Variants in SLC8A1 observed in about 807,000 individuals in gnomAD.
The protein encoded by SLC8A1 is sodium/calcium exchanger 1.
SLC8A1 carries 18 observed loss-of-function variants against 68.3 expected under a neutral mutation model. The observed-to-expected ratio is 0.26, with a 90% CI of 0.18 to 0.39. The LOEUF (loss-of-function observed/expected upper bound fraction) is 0.39, where lower values mean the gene tolerates loss of function less well. Among genes scored for constraint, SLC8A1 ranks in the 10% least tolerant of loss-of-function variants. The pLI is 1.00. For synonymous variants in SLC8A1, 475 were observed against 415.5 expected (o/e 1.14, Z -1.74); for missense variants, 985 against 1,156.7 (o/e 0.85, Z 2.15).
At chr2:40,100,655 G>A (rs1015924259) in exon 8 of SLC8A1, 1 of 152,154 alleles carries the variant, frequency 6.6e-6, no homozygotes, top group Non-Finnish European at 1.5e-5. Flanking sequence ...CTGTGATTTC[G>A]TTAGAGCTAT....
intron 2 of SLC8A1, among the ~76,000 whole-genome samples, chr2:40,212,771 A>G (rs1203632499): frequency 2.6e-5 from 4 of 152,182 alleles, no homozygotes; most frequent in Non-Finnish European, 5.9e-5. Flanking sequence ...ACAATTTCAA[A>G]TTCTTGGGCA....
intron 2 of SLC8A1, among the ~76,000 whole-genome samples, chr2:40,254,014 G>A (rs2063451821): frequency 6.6e-6 from 1 of 152,050 alleles, no homozygotes; most frequent in Non-Finnish European, 1.5e-5. Flanking sequence ...ATAGCTAGAA[G>A]AAAACTTCTG....
chr2:40,488,214 T>C (rs561360872), intron 1 of SLC8A1, among the ~76,000 whole-genome samples: 1 of 143,920 alleles, frequency 6.9e-6, no homozygotes, highest in African/African-American at 2.6e-5. Context: ...GGGGGACACC[T>C]TCTGTAGACA....
chr2:40,423,014 G>A (rs1695930479), intron 2 of SLC8A1, among the ~76,000 whole-genome samples: 1 of 152,102 alleles, frequency 6.6e-6, no homozygotes, highest in South Asian at 2.1e-4. Flanking sequence ...AATACCATTA[G>A]TCTTCCAAAT....
intron 2 of SLC8A1, among the ~76,000 whole-genome samples, chr2:40,274,064 G>C (rs192011366): frequency 1.9e-3 from 284 of 151,386 alleles, no homozygotes; most frequent in Non-Finnish European, 3.4e-3. Flanking sequence ...ATCGAGCACT[G>C]CTTTTAGATC....
chr2:40,153,572 A>G (rs1032687121), intron 6 of SLC8A1, among the ~76,000 whole-genome samples: 2 of 152,180 alleles, frequency 1.3e-5, no homozygotes, highest in African/African-American at 2.4e-5. Context: ...AATAACTACT[A>G]TTTGACCTTT....
intron 2 of SLC8A1, among the ~76,000 whole-genome samples, chr2:40,264,993 C>A (rs1479850433): frequency 1.3e-5 from 2 of 152,152 alleles, no homozygotes; most frequent in Admixed American, 6.5e-5. Context: ...TCACCTTTCT[C>A]TTGAAGTTAT....
chr2:40,383,115 C>T (rs2373858), intron 2 of SLC8A1, among the ~76,000 whole-genome samples: 111,352 of 151,722 alleles, frequency 0.73, 42,230 homozygotes, highest in African/African-American at 0.93. Flanking sequence ...TTTAATGATA[C>T]GTTCTGTTTT....
chr2:40,274,293 G>T (rs552484774), intron 2 of SLC8A1, among the ~76,000 whole-genome samples: 1 of 150,640 alleles, frequency 6.6e-6, no homozygotes, highest in African/African-American at 2.4e-5. Context: ...TGAGTAATCC[G>T]AACTTGCTTA....
At chr2:40,133,708 C>G (rs1360511727) in intron 7 of SLC8A1, among the ~76,000 whole-genome samples, 9 of 150,818 alleles carry the variant, frequency 6.0e-5, no homozygotes, top group African/African-American at 9.8e-5. Context: ...AAATCCCCCC[C>G]CCCCACCGAC....
intron 7 of SLC8A1, among the ~76,000 whole-genome samples, chr2:40,132,953 T>C (rs1036429178): frequency 1.3e-5 from 2 of 152,230 alleles, no homozygotes; most frequent in African/African-American, 4.8e-5. Context: ...TCTATTCCTT[T>C]TGACATTTTT....
At chr2:40,407,121 C>G (rs761899640) in intron 2 of SLC8A1, among the ~76,000 whole-genome samples, 5 of 152,128 alleles carry the variant, frequency 3.3e-5, no homozygotes, top group Non-Finnish European at 7.4e-5. Flanking sequence ...GGCTGGAGTA[C>G]AGTGGTGCGA....
intron 2 of SLC8A1, among the ~76,000 whole-genome samples, chr2:40,294,170 T>A (rs930115956): frequency 2.0e-5 from 3 of 152,174 alleles, no homozygotes; most frequent in Admixed American, 1.3e-4. Flanking sequence ...TAAGAGTTTA[T>A]CTTACAGATA....
At chr2:40,213,819 A>G (rs2057016289) in intron 2 of SLC8A1, among the ~76,000 whole-genome samples, 1 of 152,208 alleles carries the variant, frequency 6.6e-6, no homozygotes, top group Admixed American at 6.5e-5. Flanking sequence ...CGCTGGGGAT[A>G]TTACACTGGG....
At chr2:40,332,793 AGATT>A (rs2076549032) in intron 2 of SLC8A1, among the ~76,000 whole-genome samples, 1 of 152,252 alleles carries the variant, frequency 6.6e-6, no homozygotes, top group Non-Finnish European at 1.5e-5. Flanking sequence ...TGAATAAAGT[AGATT>A]GATTAGCTTT....
intron 7 of SLC8A1, among the ~76,000 whole-genome samples, chr2:40,125,848 C>T (rs1248603561): frequency 2.0e-5 from 3 of 152,208 alleles, no homozygotes; most frequent in African/African-American, 7.2e-5. Flanking sequence ...TTTTCTCTCT[C>T]CCAGGGACGT....
intron 2 of SLC8A1, chr2:40,251,021 A>G (rs1459284118): frequency 1.3e-5 from 2 of 152,182 alleles, no homozygotes; most frequent in Admixed American, 6.5e-5. Flanking sequence ...CGGGAGAGTT[A>G]AAGAGTAGCA....
At chr2:40,415,993 C>T (rs374348292) in intron 2 of SLC8A1, among the ~76,000 whole-genome samples, 351 of 141,174 alleles carry the variant, frequency 2.5e-3, no homozygotes, top group Non-Finnish European at 3.1e-3. Flanking sequence ...ACCCGGGAGG[C>T]GGAGCTGAGA....
chr2:40,422,106 G>T (rs1047780859), intron 2 of SLC8A1, among the ~76,000 whole-genome samples: 3 of 152,004 alleles, frequency 2.0e-5, no homozygotes, highest in African/African-American at 7.2e-5. Context: ...AGGCAGTTAC[G>T]AAGATTATCT....
Sources: allele counts gnomAD v4.1 joint callset (sites outside exome capture counted in the v4.1 genomes callset), GRCh38; gene constraint gnomAD v4.1.1; transcripts MANE v1.5; gene names NCBI Gene and HGNC (gene_info 2026-07-23, HGNC 2026-07-21).